The following DCDC2 variants were observed in gnomAD, a reference collection of about 807,000 sequenced individuals.
DCDC2 encodes the protein doublecortin domain-containing protein 2.
DCDC2 carries 40 observed loss-of-function variants against 50.2 expected under a neutral mutation model. The observed-to-expected ratio is 0.80, with a 90% CI of 0.62 to 1.04. The LOEUF (loss-of-function observed/expected upper bound fraction) is 1.04, where lower values mean the gene tolerates loss of function less well. Among genes scored for constraint, DCDC2 ranks in the 50% least tolerant of loss-of-function variants. The pLI is 0.00. For synonymous variants in DCDC2, 234 were observed against 210.6 expected, an observed-to-expected ratio of 1.11 and a Z score of -0.96; for missense variants, 570 against 581.9, an observed-to-expected ratio of 0.98 and a Z score of 0.21.
At chr6:24,219,918 C>A (rs1762061894) in intron 7 of DCDC2, among the ~76,000 whole-genome samples, 1 of 152,176 alleles carries the variant, frequency 6.6e-6, no homozygotes, top group Non-Finnish European at 1.5e-5. Context: ...TCTATCAAAA[C>A]CAGAACTTGC....
At chr6:24,184,655 T>G (rs1300247881) in intron 8 of DCDC2, among the ~76,000 whole-genome samples, 1 of 152,176 alleles carries the variant, frequency 6.6e-6, no homozygotes, top group Non-Finnish European at 1.5e-5. Flanking sequence ...TGGTGTGATC[T>G]AGGAAAGAAA....
intron 1 of DCDC2, among the ~76,000 whole-genome samples, chr6:24,355,432 T>C (rs1329562038): frequency 6.6e-6 from 1 of 152,174 alleles, no homozygotes; most frequent in Non-Finnish European, 1.5e-5. Context: ...AAATAAAGTA[T>C]GTAACAAAAG....
intron 8 of DCDC2, among the ~76,000 whole-genome samples, chr6:24,203,544 C>T (rs1239049368): frequency 1.3e-5 from 2 of 152,084 alleles, no homozygotes; most frequent in Non-Finnish European, 2.9e-5. Context: ...TAGAAGAAAA[C>T]CTAGGCAATA....
intron 7 of DCDC2, among the ~76,000 whole-genome samples, chr6:24,214,218 T>G (rs944355622): frequency 6.6e-6 from 1 of 152,216 alleles, no homozygotes. Context: ...ATGCAATTGA[T>G]GTATACATTT....
chr6:24,217,610 G>GTAT (rs1366472980), intron 7 of DCDC2, among the ~76,000 whole-genome samples: 1 of 152,186 alleles, frequency 6.6e-6, no homozygotes, highest in Non-Finnish European at 1.5e-5. Flanking sequence ...AATTGGCACA[G>GTAT]GTAATAGGCC....
At chr6:24,264,900 A>G (rs1454867731) in intron 7 of DCDC2, among the ~76,000 whole-genome samples, 2 of 152,124 alleles carry the variant, frequency 1.3e-5, no homozygotes, top group Non-Finnish European at 2.9e-5. Flanking sequence ...AAAGACACAC[A>G]CAAACTGAAA....
intron 9 of DCDC2, among the ~76,000 whole-genome samples, chr6:24,176,753 A>C (rs548938981): frequency 3.2e-4 from 49 of 152,308 alleles, no homozygotes; most frequent in South Asian, 8.3e-4. Context: ...GTATCATTTG[A>C]CCAACATCTC....
At chr6:24,381,874 GAA>G in the DCDC2 span, among the ~76,000 whole-genome samples, 1 of 111,722 alleles carries the variant, frequency 9.0e-6, no homozygotes, top group Non-Finnish European at 1.9e-5. Flanking sequence ...ATAAAAGAAA[GAA>G]AGAGATAAAG....
chr6:24,300,284 A>G (rs1434164863), intron 4 of DCDC2, among the ~76,000 whole-genome samples: 3 of 152,070 alleles, frequency 2.0e-5, no homozygotes, highest in African/African-American at 7.2e-5. Flanking sequence ...TGGGAGGTTG[A>G]GGTAAGAGTA....
the DCDC2 span, among the ~76,000 whole-genome samples, chr6:24,376,350 T>C: frequency 1.3e-5 from 2 of 152,326 alleles, no homozygotes; most frequent in Admixed American, 6.5e-5. Flanking sequence ...AGAGTCGTCT[T>C]GGCAGGGCTC....
At chr6:24,181,234 G>C (rs1761064263) in intron 8 of DCDC2, among the ~76,000 whole-genome samples, 1 of 152,188 alleles carries the variant, frequency 6.6e-6, no homozygotes, top group Non-Finnish European at 1.5e-5. Flanking sequence ...AAAGGCAAAA[G>C]ATTTATGAAC....
At chr6:24,376,376 A>G in the DCDC2 span, among the ~76,000 whole-genome samples, 2 of 152,076 alleles carry the variant, frequency 1.3e-5, no homozygotes, top group Non-Finnish European at 2.9e-5. Context: ...GCCCCTGAGG[A>G]CTCTAGCATA....
chr6:24,201,779 T>C (rs1251433187), intron 8 of DCDC2, among the ~76,000 whole-genome samples: 6 of 151,988 alleles, frequency 3.9e-5, no homozygotes, highest in East Asian at 1.9e-4. Context: ...AAGAATCAAA[T>C]AGATGCAATA....
At chr6:24,307,320 C>T (rs1344267353) in intron 2 of DCDC2, among the ~76,000 whole-genome samples, 1 of 152,124 alleles carries the variant, frequency 6.6e-6, no homozygotes, top group Non-Finnish European at 1.5e-5. Context: ...GACCACAAAC[C>T]TCTTGGAAGA....
chr6:24,318,386 G>A (rs529946004), intron 2 of DCDC2, among the ~76,000 whole-genome samples: 1 of 152,066 alleles, frequency 6.6e-6, no homozygotes, highest in African/African-American at 2.4e-5. Context: ...GTTTTTTGTT[G>A]TTGTTGTTAG....
chr6:24,248,688 C>T (rs1361380577), intron 7 of DCDC2, among the ~76,000 whole-genome samples: 1 of 152,134 alleles, frequency 6.6e-6, no homozygotes, highest in Non-Finnish European at 1.5e-5. Context: ...CTACATGCCA[C>T]GTACTCCACC....
At chr6:24,234,936 CAAAT>C (rs1042562885) in intron 7 of DCDC2, among the ~76,000 whole-genome samples, 5 of 152,002 alleles carry the variant, frequency 3.3e-5, no homozygotes, top group African/African-American at 1.2e-4. Flanking sequence ...GAAATGATAA[CAAAT>C]AAATACTTAA....
At chr6:24,308,238 G>C (rs897461163) in intron 2 of DCDC2, among the ~76,000 whole-genome samples, 1 of 152,218 alleles carries the variant, frequency 6.6e-6, no homozygotes, top group African/African-American at 2.4e-5. Context: ...CTAATAGCTG[G>C]ACTAATTGTA....
upstream of DCDC2, among the ~76,000 whole-genome samples, chr6:24,361,869 T>C (rs1760670983): frequency 6.6e-6 from 1 of 152,190 alleles, no homozygotes; most frequent in Admixed American, 6.5e-5. Context: ...TCTCCTGAGC[T>C]TAGATTCATT....
Sources: allele counts gnomAD v4.1 joint callset (sites outside exome capture counted in the v4.1 genomes callset), GRCh38; gene constraint gnomAD v4.1.1; transcripts MANE v1.5; gene names NCBI Gene and HGNC (gene_info 2026-07-23, HGNC 2026-07-21).